NOS1AP: variants seen among roughly 807,000 people sequenced by gnomAD.
NOS1AP encodes carboxyl-terminal PDZ ligand of neuronal nitric oxide synthase protein.
A neutral mutation model predicts 56.2 loss-of-function variants in NOS1AP; 21 were observed. That is an observed-to-expected ratio of 0.37 (90% CI 0.26 to 0.54). The LOEUF (loss-of-function observed/expected upper bound fraction) is 0.54, where lower values mean the gene tolerates loss of function less well. NOS1AP is among the 20% of genes least tolerant of loss of function. The pLI, the probability that NOS1AP is intolerant of heterozygous loss-of-function variation, is 0.84. For synonymous variants in NOS1AP, 270 were observed against 274.6 expected (o/e 0.98, Z 0.17); for missense variants, 522 against 657.8 (o/e 0.79, Z 2.26).
intron 2 of NOS1AP, among the ~76,000 whole-genome samples, chr1:162,169,200 C>T (rs1205297513): frequency 6.6e-6 from 1 of 152,262 alleles, no homozygotes; most frequent in Non-Finnish European, 1.5e-5. Flanking sequence ...CCTGGCTTGA[C>T]TTTTCTCTTC....
intron 4 of NOS1AP, among the ~76,000 whole-genome samples, chr1:162,315,386 T>A (rs549221969): frequency 2.4e-4 from 36 of 152,220 alleles, no homozygotes; most frequent in Non-Finnish European, 4.3e-4. Context: ...ACTGCCACAG[T>A]GCCCTGTCCT....
At chr1:162,199,256 T>C (rs1651906256) in intron 2 of NOS1AP, among the ~76,000 whole-genome samples, 1 of 152,208 alleles carries the variant, frequency 6.6e-6, no homozygotes, top group African/African-American at 2.4e-5. Context: ...GAATCTCGCA[T>C]AGATGTTCCT....
rs12082824 is a variant in NOS1AP, at chr1:162,244,339, A to G, written c.178-43005A>G. Reference sequence around the variant, plus strand: ...ACATTCTCAAGGACTGTTCTCTTAAACCAACCTTTGTTACCATCTTGTTGA... The same window carrying G: ...ACATTCTCAAGGACTGTTCTCTTAAGCCAACCTTTGTTACCATCTTGTTGA... On this transcript the variant is annotated intron_variant, in intron 2 of 9. Coordinates refer to ENST00000361897, the MANE Select transcript of NOS1AP (RefSeq NM_014697.3). Among the ~76,000 whole-genome samples the G allele has an allele frequency of 6.3e-3, 964 of 152,278 alleles. 14 individuals are homozygous for G. The highest frequency in any genetic ancestry group is 0.022 in the African/African-American group (932 of 41,550).
intron 2 of NOS1AP, among the ~76,000 whole-genome samples, chr1:162,230,032 T>C (rs1449423925): frequency 6.6e-6 from 1 of 152,110 alleles, no homozygotes; most frequent in Non-Finnish European, 1.5e-5. Context: ...CTTTAAAGAA[T>C]ACAAGAGAAG....
chr1:162,081,087 TA>T (rs1302048413), intron 1 of NOS1AP, among the ~76,000 whole-genome samples: 3 of 152,202 alleles, frequency 2.0e-5, no homozygotes, highest in Non-Finnish European at 4.4e-5. Flanking sequence ...AGCTAATGTT[TA>T]TCAAGTGCTC....
chr1:162,320,281 T>C (rs1351409442), intron 4 of NOS1AP, among the ~76,000 whole-genome samples: 1 of 152,156 alleles, frequency 6.6e-6, no homozygotes, highest in Non-Finnish European at 1.5e-5. Context: ...ATAACAGGAA[T>C]TCTCAGGCAA....
intron 4 of NOS1AP, among the ~76,000 whole-genome samples, chr1:162,302,308 T>C (rs1436511349): frequency 6.6e-6 from 1 of 152,208 alleles, no homozygotes. Context: ...AATGGGTGGA[T>C]GGATAAATGC....
At chr1:162,164,055 G>C (rs1302595241) in intron 2 of NOS1AP, among the ~76,000 whole-genome samples, 1 of 152,196 alleles carries the variant, frequency 6.6e-6, no homozygotes, top group East Asian at 1.9e-4. Context: ...TTTAAATAAG[G>C]TGCTTTGCTT....
At chr1:162,133,107 A>T (rs1484898871) in intron 1 of NOS1AP, among the ~76,000 whole-genome samples, 1 of 152,206 alleles carries the variant, frequency 6.6e-6, no homozygotes. Flanking sequence ...ATCTGAGTTC[A>T]TTCTGTAGCA....
At chr1:162,278,663 ACG>A (rs1491262266) in intron 2 of NOS1AP, among the ~76,000 whole-genome samples, 2 of 111,788 alleles carry the variant, frequency 1.8e-5, no homozygotes, top group Non-Finnish European at 3.8e-5. Flanking sequence ...TACTCCTTCT[ACG>A]TGTGTGTGTG....
chr1:162,247,646 C>T (rs1474839155), intron 2 of NOS1AP, among the ~76,000 whole-genome samples: 2 of 152,160 alleles, frequency 1.3e-5, no homozygotes, highest in African/African-American at 2.4e-5. Flanking sequence ...CCCATTTCTA[C>T]ATGTATCAGG....
chr1:162,070,857 A>C (rs530126992), intron 1 of NOS1AP, among the ~76,000 whole-genome samples: 1 of 152,192 alleles, frequency 6.6e-6, no homozygotes, highest in East Asian at 1.9e-4. Flanking sequence ...GGAGTGGTGA[A>C]AGCTACCCAT....
chr1:162,115,397 G>GTTT (rs1284433353), intron 1 of NOS1AP, among the ~76,000 whole-genome samples: 1 of 144,624 alleles, frequency 6.9e-6, no homozygotes, highest in Non-Finnish European at 1.5e-5. Flanking sequence ...CAGGTGCTCT[G>GTTT]TTTTTTTTTT....
rs1654224644 is a variant in NOS1AP at position 162,261,509 on chromosome 1, A to AGAGAGAG, written c.178-25834_178-25828dup. Reference sequence around the variant, plus strand: ...GAGAGAGAGAGAGAGAGAGAGAGAGAGAGAGAGAGAGAGAGAGAGAGAGAG... The same window carrying AGAGAGAG: ...GAGAGAGAGAGAGAGAGAGAGAGAGAGAGAGAGGAGAGAGAGAGAGAGAGAGAGAGAG... On this transcript the variant is annotated intron_variant, in intron 2 of 9. Coordinates refer to ENST00000361897, the MANE Select transcript of NOS1AP (RefSeq NM_014697.3). Among the ~76,000 whole-genome samples, 4 of 15,140 alleles carry AGAGAGAG rather than the reference A, an allele frequency of 2.6e-4. 2 individuals are homozygous for AGAGAGAG. The highest frequency in any genetic ancestry group is 3.2e-4 in the Non-Finnish European group (2 of 6,154). The allele number at this position is 15,140 out of a possible 152,430, so 9.9% of individuals were successfully genotyped here.
intron 1 of NOS1AP, among the ~76,000 whole-genome samples, chr1:162,103,092 A>T (rs1647365534): frequency 6.6e-6 from 1 of 152,010 alleles, no homozygotes; most frequent in African/African-American, 2.4e-5. Flanking sequence ...TTTCCCTCTT[A>T]ACACTGTTTT....
At chr1:162,282,471 G>A (rs1427489066) in intron 2 of NOS1AP, among the ~76,000 whole-genome samples, 2 of 149,632 alleles carry the variant, frequency 1.3e-5, no homozygotes, top group Admixed American at 6.7e-5. Context: ...AGACATTTGG[G>A]TTGCTTCTAC....
intron 2 of NOS1AP, among the ~76,000 whole-genome samples, chr1:162,277,463 G>A (rs1215034196): frequency 6.6e-6 from 1 of 152,168 alleles, no homozygotes; most frequent in Non-Finnish European, 1.5e-5. Flanking sequence ...TCTGCCTACT[G>A]TAGTTTCTCT....
intron 8 of NOS1AP, among the ~76,000 whole-genome samples, chr1:162,361,417 G>A (rs557888425): frequency 1.3e-5 from 2 of 152,216 alleles, no homozygotes; most frequent in Admixed American, 6.5e-5. Context: ...AGTGCTTCAA[G>A]TTCGAGCCTA....
At chr1:162,223,586 G>A (rs1168315517) in intron 2 of NOS1AP, among the ~76,000 whole-genome samples, 1 of 152,132 alleles carries the variant, frequency 6.6e-6, no homozygotes, top group African/African-American at 2.4e-5. Context: ...AAGATCAGGG[G>A]TTAATTAAAC....
Sources: gnomAD v4.1 joint callset for allele counts (sites outside exome capture counted in the v4.1 genomes callset) on GRCh38, gnomAD v4.1.1 for gene constraint, MANE v1.5 for transcripts, NCBI Gene and HGNC (gene_info 2026-07-23, HGNC 2026-07-21) for gene names.